Variants in ARGFX observed in about 807,000 individuals in gnomAD.
ARGFX encodes the protein arginine-fifty homeobox.
In ARGFX, 10 loss-of-function variants were observed where a neutral mutation model predicts 8.0. The observed-to-expected ratio is 1.25, with a 90% CI of 0.77 to 2.12. The LOEUF (loss-of-function observed/expected upper bound fraction) is 2.12. Among genes scored for constraint, ARGFX ranks in the 30% most tolerant of loss-of-function variants. The pLI is 0.00. For synonymous variants in ARGFX, 116 were observed against 117.8 expected, an observed-to-expected ratio of 0.98 and a Z score of 0.10; for missense variants, 282 against 324.3, an observed-to-expected ratio of 0.87 and a Z score of 1.00.
intron 2 of ARGFX, among the ~76,000 whole-genome samples, chr3:121,571,430 T>C (rs986186389): frequency 2.6e-5 from 4 of 151,918 alleles, no homozygotes; most frequent in African/African-American, 9.7e-5. Flanking sequence ...TCAAAAATAA[T>C]TAGGTACTAA....
chr3:121,572,477 C>T (rs61271105), intron 2 of ARGFX, among the ~76,000 whole-genome samples: 42,266 of 151,102 alleles, frequency 0.28, 6,306 homozygotes, highest in East Asian at 0.62. Context: ...AACTCCTGAC[C>T]TTGGGTGATC....
In ARGFX at chr3:121,570,695, A is replaced by G. The variant is rs1372952337; in HGVS notation, c.-12-7A>G. On this transcript the variant is annotated splice_region_variant and splice_polypyrimidine_tract_variant and intron_variant, in intron 1 of 4. Transcript: ENST00000334384. The stretch of plus-strand genomic sequence containing the variant: ...GCATTCCCTATCTCATAGGCCTTCC[A>G]TCTCAGATTTCAGAAACCATGAGGA... The G allele has an allele frequency of 1.3e-6, 2 of 1,571,510 alleles. No homozygotes were observed. The highest frequency in any genetic ancestry group is 8.7e-7 in the Non-Finnish European group (1 of 1,150,150).
At chr3:121,576,707 T>TCTTCTTTCTTTC in intron 2 of ARGFX, 77 bp from the exon 3 acceptor site, 1 of 247,696 alleles carries the variant, frequency 4.0e-6, no homozygotes, top group Non-Finnish European at 7.9e-6. Flanking sequence ...CTTTCTTTCT[T>TCTTCTTTCTTTC]TTTCTTTCTT....
At chr3:121,580,686 C>A (rs1214589537) in intron 3 of ARGFX, among the ~76,000 whole-genome samples, 2 of 149,492 alleles carry the variant, frequency 1.3e-5, no homozygotes, top group East Asian at 3.9e-4. Flanking sequence ...CTCACCGCAA[C>A]CTCCGCCTCC....
At chr3:121,577,244 T>TCTACATGTAC (rs1560120441) in intron 3 of ARGFX, among the ~76,000 whole-genome samples, 12 of 53,342 alleles carry the variant, frequency 2.2e-4, no homozygotes, top group African/African-American at 7.2e-4. Flanking sequence ...TATATATATA[T>TCTACATGTAC]ATATATATAT....
intron 2 of ARGFX, 37 bp from the exon 3 acceptor site, chr3:121,576,743 CTTTT>C (rs398052597): frequency 1.0e-5 from 3 of 293,542 alleles, no homozygotes; most frequent in Non-Finnish European, 2.0e-5. Context: ...TTCTTTCTTT[CTTTT>C]TCTCTTTCTT....
intron 2 of ARGFX, among the ~76,000 whole-genome samples, chr3:121,574,258 A>G (rs941432251): frequency 2.6e-5 from 4 of 152,194 alleles, no homozygotes; most frequent in African/African-American, 9.7e-5. Context: ...GGCACCAGGG[A>G]CTGGTTTGTG....
At position 121,589,446 on chromosome 3, in the gene ARGFX, C is replaced by T. The variant is rs939036582; in HGVS notation, c.*2846C>T. Among the ~76,000 whole-genome samples the T allele has an allele frequency of 2.0e-5, 3 of 147,654 alleles. No homozygotes were observed. The highest frequency in any genetic ancestry group is 2.2e-4 in the South Asian group (1 of 4,476). On this transcript the variant is annotated 3_prime_UTR_variant, in exon 5 of 5. Transcript: ENST00000334384. ...CTCTGTCACCCAGGCCGTGCAATCT[C>T]GGCTCACTGCAACCTCCGCCTCCTG...
At chr3:121,577,616 A>T (rs2048751632) in intron 3 of ARGFX, among the ~76,000 whole-genome samples, 1 of 152,088 alleles carries the variant, frequency 6.6e-6, no homozygotes, top group Admixed American at 6.6e-5. Context: ...TTTCAGTGAC[A>T]TACTCTAAAC....
At chr3:121,575,563 G>A (rs980658577) in intron 2 of ARGFX, among the ~76,000 whole-genome samples, 4 of 152,070 alleles carry the variant, frequency 2.6e-5, no homozygotes, top group East Asian at 1.9e-4. Context: ...AAGCATGCAC[G>A]GCCTCTTGAG....
intron 3 of ARGFX, among the ~76,000 whole-genome samples, chr3:121,582,815 C>T (rs1049865110): frequency 6.6e-6 from 1 of 152,062 alleles, no homozygotes; most frequent in African/African-American, 2.4e-5. Context: ...AAGTGATCCT[C>T]CCACCTCAGC....
rs774655554 is a variant in ARGFX, at chr3:121,586,445, G to T, written c.793G>T (p.Gly265Cys). The change falls in exon 5 of 5, where the codon GGT becomes TGT. Residue 265 changes from glycine to cysteine, a missense_variant. Gly to Cys is a radical substitution (Grantham distance 159, BLOSUM62 -3). Transcript: ENST00000334384. ...SPTKYQVGGQ[G>C]SSLSIFAGPA... ...CACAAAGTACCAGGTAGGAGGACAGGGTTCCTCTCTCAGCATCTTTGCTGG... is the reference window on the plus strand; with the variant it reads ...CACAAAGTACCAGGTAGGAGGACAGTGTTCCTCTCTCAGCATCTTTGCTGG... 45 of 1,614,044 alleles carry T rather than the reference G, an allele frequency of 2.8e-5. No individual in the cohort carries two copies. The highest frequency in any genetic ancestry group is 2.6e-5 in the Non-Finnish European group (31 of 1,180,030).
intron 1 of ARGFX, among the ~76,000 whole-genome samples, chr3:121,569,509 G>C (rs1356987282): frequency 6.6e-6 from 1 of 152,000 alleles, no homozygotes; most frequent in Non-Finnish European, 1.5e-5. Context: ...GGGACTACAG[G>C]TGCGTGCCAC....
At chr3:121,577,655 G>A (rs1171412107) in intron 3 of ARGFX, among the ~76,000 whole-genome samples, 1 of 152,086 alleles carries the variant, frequency 6.6e-6, no homozygotes, top group Non-Finnish European at 1.5e-5. Context: ...CAAAAGAGAG[G>A]TATGTTGTGC....
At chr3:121,577,257 A>ATTTTT (rs1451662475) in intron 3 of ARGFX, among the ~76,000 whole-genome samples, 37 of 56,406 alleles carry the variant, frequency 6.6e-4, no homozygotes, top group East Asian at 4.5e-3. Context: ...ATATATATAT[A>ATTTTT]TATTTTTTTT....
At chr3:121,569,067 A>T (rs2048691119) in intron 1 of ARGFX, among the ~76,000 whole-genome samples, 1 of 152,232 alleles carries the variant, frequency 6.6e-6, no homozygotes, top group South Asian at 2.1e-4. Context: ...TAAATGCGTG[A>T]CGTGTTAACT....
chr3:121,576,695 CTCTTTCTTTCTTTTTCTT>C (rs1467234282), intron 2 of ARGFX, 71 bp from the exon 3 acceptor site: 7 of 253,958 alleles, frequency 2.8e-5, no homozygotes, highest in Admixed American at 5.5e-5. Context: ...TTCTTTCTTT[CTCTTTCTTTCTTTTTCTT>C]TCTTTCTTTC....
At chr3:121,585,856 C>T (rs1406799985) in intron 4 of ARGFX, among the ~76,000 whole-genome samples, 166 bp from the exon 5 acceptor site, 1 of 152,092 alleles carries the variant, frequency 6.6e-6, no homozygotes, top group Non-Finnish European at 1.5e-5. Flanking sequence ...CTTCATCATC[C>T]CTCCTACTGA....
chr3:121,590,433 C>A lies in ARGFX; in HGVS notation c.*3833C>A, dbSNP rs2048837340. ...ATAAAAGGATGAGTTCGGCCTTCTT[C>A]TTCCCCAAAATCTTTATCCCCACCC... On this transcript the variant is annotated 3_prime_UTR_variant, in exon 5 of 5. Coordinates refer to ENST00000334384, the MANE Select transcript of ARGFX (RefSeq NM_001012659.2). Among the ~76,000 whole-genome samples the A allele has an allele frequency of 6.6e-6, 1 of 152,112 alleles. No homozygotes were observed. The highest frequency in any genetic ancestry group is 2.4e-5 in the African/African-American group (1 of 41,410).
Sources: gnomAD v4.1 joint callset for allele counts (sites outside exome capture counted in the v4.1 genomes callset) on GRCh38, gnomAD v4.1.1 for gene constraint, MANE v1.5 for transcripts, NCBI Gene and HGNC (gene_info 2026-07-23, HGNC 2026-07-21) for gene names.